Variants in DNAH17 observed in about 807,000 individuals in gnomAD.
DNAH17 encodes axonemal beta dynein heavy chain 17.
Under a neutral mutation model 485.6 loss-of-function variants are expected in DNAH17, and 376 were observed. That is an observed-to-expected ratio of 0.77 (90% CI 0.71 to 0.84). The LOEUF (loss-of-function observed/expected upper bound fraction) is 0.84, where lower values mean the gene tolerates loss of function less well. Ranked by LOEUF, DNAH17 falls within the 40% of genes least tolerant of loss-of-function variation. DNAH17 has a pLI of 0.00. For missense variants in DNAH17, 6,370 were observed against 5,839.3 expected, an observed-to-expected ratio of 1.09 and a Z score of -2.96; for synonymous variants, 3,031 against 2,405.9, an observed-to-expected ratio of 1.26 and a Z score of -7.60.
At chr17:78,449,278 T>G in intron 69 of DNAH17, 136 bp downstream of exon 69, 2 of 819,980 alleles carry the variant, frequency 2.4e-6, no homozygotes, top group Non-Finnish European at 1.9e-6. Flanking sequence ...ATCACCTGGG[T>G]ATATTGCTAA....
chr17:78,494,324 G>A (rs1198395937), intron 40 of DNAH17, 151 bp from the exon 41 acceptor site: 15 of 1,214,214 alleles, frequency 1.2e-5, no homozygotes, highest in Non-Finnish European at 1.6e-5. Context: ...TGCTGTCAAT[G>A]CCGAGAGTTG....
In DNAH17 at chr17:78,558,153, C is replaced by G. The variant is rs780516148; in HGVS notation, c.2133G>C (p.Arg711=). The G allele has an allele frequency of 5.0e-6, 8 of 1,613,700 alleles. No individual in the cohort carries two copies. Among genetic ancestry groups the G allele is most frequent in the East Asian group, 2.2e-5 (1 of 44,892 alleles). ...ESLFSENETF[R]KFVGNLELIV... Reference sequence around the variant, plus strand: ...TGAGCTCCAGGTTGCCCACAAACTTCCGGAAAGTTTCGTTCTCTGAGAACA... The same window carrying G: ...TGAGCTCCAGGTTGCCCACAAACTTGCGGAAAGTTTCGTTCTCTGAGAACA... The change falls in exon 14 of 81, where the codon CGG becomes CGC. Residue 711 remains arginine (R), a synonymous_variant. Coordinates refer to ENST00000389840, the MANE Select transcript of DNAH17 (RefSeq NM_173628.4).
At position 78,570,253 on chromosome 17, in the gene DNAH17, G is replaced by C. The variant is rs776630393; in HGVS notation, c.1038C>G (p.Ile346Met). The C allele has an allele frequency of 1.3e-6, 2 of 1,584,660 alleles. No individual in the cohort carries two copies. Among genetic ancestry groups the C allele is most frequent in the South Asian group, 2.3e-5 (2 of 86,428 alleles). ...VILQEFCNQI[I>M]EMTRTFLSPE... Reference sequence around the variant, plus strand: ...GGGGCCAGGGGAGGGTTACCATCTCGATGATTTGGTTGCAGAACTCCTGCA... The same window carrying C: ...GGGGCCAGGGGAGGGTTACCATCTCCATGATTTGGTTGCAGAACTCCTGCA... The change falls in exon 7 of 81, where the codon ATC becomes ATG. Residue 346 changes from isoleucine (I) to methionine (M), a missense_variant. By Grantham distance (10) the Ile-to-Met change is conservative. Coordinates refer to ENST00000389840, the MANE Select transcript of DNAH17 (RefSeq NM_173628.4).
chr17:78,570,441 C>T (rs2092335546), intron 6 of DNAH17, 69 bp from the exon 7 acceptor site: 1 of 1,535,256 alleles, frequency 6.5e-7, no homozygotes, highest in African/African-American at 1.4e-5. Flanking sequence ...TGTCCCAGCC[C>T]TTCCCTTCCC....
At chr17:78,449,753 C>T (rs1036103893) in intron 68 of DNAH17, 169 bp from the exon 69 acceptor site, 44 of 629,732 alleles carry the variant, frequency 7.0e-5, no homozygotes, top group Non-Finnish European at 1.2e-4. Context: ...TCTTGGCTCA[C>T]TGCACCCTCT....
rs556386781 is a variant in DNAH17, at chr17:78,485,042, G to A, written c.7484-9C>T. On this transcript the variant is annotated splice_polypyrimidine_tract_variant and intron_variant, in intron 47 of 80. Transcript: ENST00000389840. ...CGGCTTCTCCAGCACCCCTAGAGAG[G>A]GCAGAGGGTCAGCTGCCCGCCTGCG... 2.6e-4 allele frequency: 410 copies of A among 1,596,146 alleles called. 3 individuals carry two copies. The South Asian group carries it at 4.1e-3, about 16-fold the overall frequency.
intron 16 of DNAH17, among the ~76,000 whole-genome samples, chr17:78,547,105 C>T (rs752074794): frequency 2.6e-5 from 4 of 152,052 alleles, no homozygotes; most frequent in African/African-American, 9.7e-5. Flanking sequence ...CTTTTACAAC[C>T]GTATTTATCT....
chr17:78,486,986 C>CTT (rs200078316), intron 44 of DNAH17, among the ~76,000 whole-genome samples: 2 of 128,584 alleles, frequency 1.6e-5, no homozygotes, highest in South Asian at 2.6e-4. Context: ...CCCCTTGGTG[C>CTT]TTTTTTTTTT....
chr17:78,462,985 G>T lies in DNAH17; in HGVS notation c.9033C>A (p.Arg3011=). ...MSRVYLATER[R]YNYTTPKTFL... is the part of the protein sequence containing the mutation. ...AGGTTTTGGGTGTGGTGTAGTTGTA[G>T]CGCCTCTCAGTAGCCAGGTATACCC... Residue 3011 remains arginine (R), a synonymous_variant, in exon 57 of 81, where the codon CGC becomes CGA. Transcript: ENST00000389840. 1 of 1,613,994 alleles carries T rather than the reference G, an allele frequency of 6.2e-7. No homozygotes were observed. Among genetic ancestry groups the T allele is most frequent in the South Asian group, 1.1e-5 (1 of 91,084 alleles).
intron 77 of DNAH17, among the ~76,000 whole-genome samples, chr17:78,428,048 A>C (rs1444305440): frequency 6.6e-6 from 1 of 151,346 alleles, no homozygotes; most frequent in Non-Finnish European, 1.5e-5. Flanking sequence ...TGTTCAGAAC[A>C]CTGGCATCCC....
chr17:78,534,765 T>C (rs1484489092), intron 19 of DNAH17, among the ~76,000 whole-genome samples: 1 of 152,170 alleles, frequency 6.6e-6, no homozygotes, highest in Non-Finnish European at 1.5e-5. Context: ...CTGGGGTCTC[T>C]GCCCCTTGCT....
At chr17:78,442,757 G>A (rs1211942451) in intron 71 of DNAH17, among the ~76,000 whole-genome samples, 1 of 152,056 alleles carries the variant, frequency 6.6e-6, no homozygotes, top group African/African-American at 2.4e-5. Context: ...AAGCACTTAC[G>A]CCATGGAAAT....
chr17:78,501,749 A>G lies in DNAH17; in HGVS notation c.5315T>C (p.Val1772Ala). The G allele has an allele frequency of 6.2e-7, 1 of 1,613,088 alleles. No homozygotes were observed. The change falls in exon 34 of 81, where the codon GTG (valine) becomes GCG (alanine). Residue 1772 changes from valine (V) to alanine (A), a missense_variant. Val to Ala is a moderately conservative substitution (Grantham distance 64). Coordinates refer to ENST00000389840, the MANE Select transcript of DNAH17 (RefSeq NM_173628.4). Reference protein sequence around the residue: ...HARDVVAKMIVAKVESSQAFT... With the variant: ...HARDVVAKMIAAKVESSQAFT... The stretch of plus-strand genomic sequence containing the variant: ...GGACAGGGGCGCTCATGCCTTGGCC[A>G]CGATCATTTTGGCCACCACGTCCCG...
chr17:78,475,361 G>C lies in DNAH17; in HGVS notation c.8428C>G (p.Leu2810Val), dbSNP rs1321806906. 6.2e-7 allele frequency: 1 copy of C among 1,614,010 alleles called. No homozygotes were observed. Among genetic ancestry groups the C allele is most frequent in the Admixed American group, 1.7e-5 (1 of 60,026 alleles). The change falls in exon 54 of 81, where the codon CTC (leucine) becomes GTC (valine). Residue 2810 changes from leucine to valine, a missense_variant. Coordinates refer to ENST00000389840, the MANE Select transcript of DNAH17 (RefSeq NM_173628.4). Reference protein sequence around the residue: ...VGVGGSGKQSLSRLAAYISGL... With the variant: ...VGVGGSGKQSVSRLAAYISGL... ...CTGATGTACGCTGCCAGGCGGGAGA[G>C]GCTCTGTTTGCCACTGCCGCCCACC... is the stretch of plus-strand genomic sequence containing the variant.
In DNAH17 at chr17:78,509,193, C is replaced by T. The variant is rs183069701; in HGVS notation, c.4236+1191G>A. On this transcript the variant is annotated intron_variant, in intron 27 of 80. Coordinates refer to ENST00000389840, the MANE Select transcript of DNAH17 (RefSeq NM_173628.4). The stretch of plus-strand genomic sequence containing the variant: ...TGTTGGCCAGGCTGGTCTCAATCTC[C>T]TGATCTTGTGATCCACCCACCTTGG... 7.9e-5 allele frequency among the ~76,000 whole-genome samples: 2 copies of T among 25,308 alleles called. 1 individual carries two copies. The highest frequency in any genetic ancestry group is 1.9e-4 in the Non-Finnish European group (2 of 10,774). 16.6% of individuals were successfully genotyped at this position (25,308 alleles called of 152,430 possible).
intron 69 of DNAH17, among the ~76,000 whole-genome samples, chr17:78,446,193 A>AAAAAAAAAAC (rs1568061959): frequency 6.6e-6 from 1 of 150,588 alleles, no homozygotes; most frequent in Admixed American, 6.6e-5. Context: ...AAAAAAAAAA[A>AAAAAAAAAAC]AAAAATTGAC....
At chr17:78,433,140 A>G (rs1411118761) in intron 75 of DNAH17, among the ~76,000 whole-genome samples, 1 of 152,156 alleles carries the variant, frequency 6.6e-6, no homozygotes, top group Admixed American at 6.5e-5. Context: ...CCCAGGGTTT[A>G]TAGGGGTGTG....
chr17:78,448,042 C>T (rs570961507), intron 69 of DNAH17, among the ~76,000 whole-genome samples: 16 of 152,098 alleles, frequency 1.1e-4, no homozygotes, highest in Non-Finnish European at 1.9e-4. Flanking sequence ...CATGGTGGTG[C>T]ATGCCTGTAA....
At chr17:78,502,166 T>C (rs1044790556) in intron 33 of DNAH17, 25 of 432,452 alleles carry the variant, frequency 5.8e-5, no homozygotes, top group Middle Eastern at 3.1e-4. Context: ...AGAGTCTGTA[T>C]ATTTTTACAT....
Sources: gnomAD v4.1 joint callset for allele counts (sites outside exome capture counted in the v4.1 genomes callset) on GRCh38, gnomAD v4.1.1 for gene constraint, MANE v1.5 for transcripts, NCBI Gene and HGNC (gene_info 2026-07-23, HGNC 2026-07-21) for gene names.